Variants in PRKACB observed in about 807,000 individuals in gnomAD.
The protein encoded by PRKACB is cAMP-dependent protein kinase catalytic subunit beta.
In PRKACB, 16 loss-of-function variants were observed where a neutral mutation model predicts 51.4. The ratio of observed to expected loss-of-function variants is 0.31; its 90% CI spans 0.21 to 0.47. PRKACB has a LOEUF of 0.47. PRKACB is among the 20% of genes least tolerant of loss of function. PRKACB has a pLI of 1.00. For synonymous variants in PRKACB, 147 were observed against 154.4 expected (o/e 0.95, Z 0.35); for missense variants, 309 against 464.5 (o/e 0.67, Z 3.08).
intron 1 of PRKACB, chr1:84,174,949 C>T: frequency 7.9e-7 from 1 of 1,268,028 alleles, no homozygotes; most frequent in Non-Finnish European, 1.0e-6. Context: ...ATATAGTATT[C>T]TGAAAAAATG....
At chr1:84,080,679 C>T (rs1486266772) in intron 1 of PRKACB, among the ~76,000 whole-genome samples, 2 of 152,062 alleles carry the variant, frequency 1.3e-5, no homozygotes, top group Admixed American at 6.6e-5. Flanking sequence ...CCTAAATGTT[C>T]TGTGTATTTT....
At chr1:84,204,589 A>G (rs1671041113) in intron 8 of PRKACB, 3 of 1,400,544 alleles carry the variant, frequency 2.1e-6, no homozygotes, top group Non-Finnish European at 2.8e-6. Flanking sequence ...ACTAAAGGTC[A>G]TATGAAGAAT....
At position 84,229,125 on chromosome 1, in the gene PRKACB, C is replaced by T. The variant is rs185309389; in HGVS notation, c.1072-6055C>T. 3.8e-3 allele frequency among the ~76,000 whole-genome samples: 546 copies of T among 142,326 alleles called. 1 individual carries two copies. The highest frequency in any genetic ancestry group is 6.9e-3 in the Middle Eastern group (2 of 288). 93.4% of individuals were successfully genotyped at this position (142,326 alleles called of 152,430 possible). ...GTCCCCAGAGTATGATGTTCCCCTT[C>T]CTGTGTCCATGTGTTCTCATTGTTC... is the stretch of plus-strand genomic sequence containing the variant. On this transcript the variant is annotated intron_variant, in intron 9 of 9. Transcript: ENST00000370685.
intron 1 of PRKACB, among the ~76,000 whole-genome samples, chr1:84,136,533 C>T (rs147817085): frequency 6.6e-6 from 1 of 151,934 alleles, no homozygotes; most frequent in Non-Finnish European, 1.5e-5. Context: ...CTCTGACTGC[C>T]GATTGGTGAC....
chr1:84,213,689 T>G (rs1270784191), intron 8 of PRKACB, among the ~76,000 whole-genome samples: 1 of 152,244 alleles, frequency 6.6e-6, no homozygotes, highest in African/African-American at 2.4e-5. Flanking sequence ...ACAACCATTT[T>G]TAGACTTCCT....
At chr1:84,217,777 A>C (rs542658283) in intron 9 of PRKACB, among the ~76,000 whole-genome samples, 1 of 152,284 alleles carries the variant, frequency 6.6e-6, no homozygotes, top group South Asian at 2.1e-4. Flanking sequence ...TGGGCTACAG[A>C]GCTGAGACCC....
chr1:84,226,543 C>A (rs566560255), intron 9 of PRKACB, among the ~76,000 whole-genome samples: 20 of 152,186 alleles, frequency 1.3e-4, no homozygotes, highest in African/African-American at 3.9e-4. Flanking sequence ...AGGATATGGG[C>A]AAAACATCAT....
Position 84,237,792 on chromosome 1 carries a change from T to C in PRKACB, c.*2487T>C, listed in dbSNP as rs1676785576. ...TCAGTAAATAATTAAGAGATGGCAT[T>C]GTGTAAGAAGGAGCCCTAGACTGAA... is the stretch of plus-strand genomic sequence containing the variant. On this transcript the variant is annotated 3_prime_UTR_variant, in exon 10 of 10. Transcript: ENST00000370685. The C allele has an allele frequency of 6.6e-6, 1 of 152,148 alleles. No homozygotes were observed. The highest frequency in any genetic ancestry group is 6.5e-5 in the Admixed American group (1 of 15,280). The allele number at this position is 152,148 out of a possible 1,614,324, so 9.4% of individuals were successfully genotyped here.
chr1:84,162,048 T>C (rs1399875098), intron 1 of PRKACB, among the ~76,000 whole-genome samples: 1 of 152,046 alleles, frequency 6.6e-6, no homozygotes, highest in Non-Finnish European at 1.5e-5. Context: ...CCTTTATTTT[T>C]GGAGGATAAT....
At chr1:84,206,546 A>G (rs182163896) in intron 8 of PRKACB, among the ~76,000 whole-genome samples, 15 of 152,320 alleles carry the variant, frequency 9.8e-5, no homozygotes, top group African/African-American at 3.4e-4. Context: ...GGGCATTCAC[A>G]AGGGATGCAC....
upstream of PRKACB, among the ~76,000 whole-genome samples, chr1:84,141,091 C>A (rs192877003): frequency 1.8e-4 from 28 of 151,994 alleles, no homozygotes; most frequent in Non-Finnish European, 3.4e-4. Context: ...AAAGCTGGTT[C>A]AACTCTGAAA....
intron 1 of PRKACB, among the ~76,000 whole-genome samples, chr1:84,135,000 A>G (rs1652650360): frequency 6.6e-6 from 1 of 152,176 alleles, no homozygotes; most frequent in Admixed American, 6.5e-5. Context: ...TGATTTTTTA[A>G]GGCAAGCTAT....
chr1:84,104,448 G>A (rs1367194876), intron 1 of PRKACB, among the ~76,000 whole-genome samples: 1 of 152,052 alleles, frequency 6.6e-6, no homozygotes, highest in Non-Finnish European at 1.5e-5. Context: ...TAAACATGGG[G>A]TGCAGATGTC....
intron 1 of PRKACB, among the ~76,000 whole-genome samples, chr1:84,105,459 A>C (rs1005066257): frequency 1.3e-5 from 2 of 152,176 alleles, no homozygotes; most frequent in African/African-American, 4.8e-5. Context: ...AAAATTTTCC[A>C]TTCATCATTA....
At chr1:84,116,905 G>A (rs1215802752) in intron 1 of PRKACB, among the ~76,000 whole-genome samples, 1 of 152,166 alleles carries the variant, frequency 6.6e-6, no homozygotes, top group Non-Finnish European at 1.5e-5. Flanking sequence ...ATTTCTTAGA[G>A]GAAAGGTTTT....
upstream of PRKACB, among the ~76,000 whole-genome samples, chr1:84,141,908 G>A (rs1370369157): frequency 1.3e-5 from 2 of 152,054 alleles, no homozygotes; most frequent in Non-Finnish European, 1.5e-5. Flanking sequence ...CATTGGCACT[G>A]AGTAAAAATG....
At chr1:84,140,164 C>A (rs1011816154), upstream of PRKACB, among the ~76,000 whole-genome samples, 4 of 152,118 alleles carry the variant, frequency 2.6e-5, no homozygotes, top group Admixed American at 6.5e-5. Context: ...AGAATTGACA[C>A]ATATATAGGT....
At chr1:84,096,301 T>C (rs1055170097) in intron 1 of PRKACB, among the ~76,000 whole-genome samples, 11 of 152,108 alleles carry the variant, frequency 7.2e-5, no homozygotes, top group African/African-American at 2.7e-4. Flanking sequence ...TGCTTAGTTT[T>C]CTAATCTCCT....
intron 8 of PRKACB, among the ~76,000 whole-genome samples, chr1:84,211,951 T>C (rs930578982): frequency 2.9e-4 from 44 of 152,104 alleles, no homozygotes; most frequent in Admixed American, 2.0e-4. Flanking sequence ...CTTGCAAAAA[T>C]GAGATTTTGA....
Sources: gnomAD v4.1 joint callset for allele counts (sites outside exome capture counted in the v4.1 genomes callset) on GRCh38, gnomAD v4.1.1 for gene constraint, MANE v1.5 for transcripts, NCBI Gene and HGNC (gene_info 2026-07-23, HGNC 2026-07-21) for gene names.